Variants in COL22A1 observed in about 807,000 individuals in gnomAD.
COL22A1 encodes the protein collagen type XXII alpha 1 chain.
Under a neutral mutation model 248.9 loss-of-function variants are expected in COL22A1, and 221 were observed. That is an observed-to-expected ratio of 0.89 (90% CI 0.80 to 0.99). COL22A1 has a LOEUF of 0.99. Among genes scored for constraint, COL22A1 ranks in the 50% least tolerant of loss-of-function variants. COL22A1 has a pLI of 0.00. For missense variants in COL22A1, 2,240 were observed against 2,179.0 expected, an observed-to-expected ratio of 1.03 and a Z score of -0.56; for synonymous variants, 891 against 793.4, an observed-to-expected ratio of 1.12 and a Z score of -2.07.
intron 22 of COL22A1, among the ~76,000 whole-genome samples, chr8:138,747,578 T>C (rs888047759): frequency 1.3e-5 from 2 of 151,990 alleles, no homozygotes; most frequent in Admixed American, 6.5e-5. Flanking sequence ...GTTTGGCCAA[T>C]GTCCTCACCT....
intron 55 of COL22A1, among the ~76,000 whole-genome samples, chr8:138,614,750 T>C (rs1371467426): frequency 6.6e-6 from 1 of 152,128 alleles, no homozygotes; most frequent in East Asian, 1.9e-4. Context: ...GGCTCTACTT[T>C]TAGGTGTATG....
At chr8:138,833,419 G>A (rs76666524) in intron 4 of COL22A1, among the ~76,000 whole-genome samples, 2,051 of 152,318 alleles carry the variant, frequency 0.013, 35 homozygotes, top group African/African-American at 0.046. Context: ...GTGGTTAAGC[G>A]TGAGACAAAT....
intron 22 of COL22A1, among the ~76,000 whole-genome samples, chr8:138,740,044 A>G (rs1276686878): frequency 6.6e-6 from 1 of 152,250 alleles, no homozygotes; most frequent in Non-Finnish European, 1.5e-5. Flanking sequence ...GAAGCTGATC[A>G]TAAGACAGCT....
chr8:138,619,934 A>C, intron 52 of COL22A1: 1 of 186,860 alleles, frequency 5.4e-6, no homozygotes, highest in Non-Finnish European at 1.1e-5. Context: ...AAGGTATTAA[A>C]TAGCAAAGCC....
intron 12 of COL22A1, among the ~76,000 whole-genome samples, chr8:138,792,257 G>T (rs1816124257): frequency 6.6e-6 from 1 of 152,146 alleles, no homozygotes; most frequent in South Asian, 2.1e-4. Flanking sequence ...GCAAATCCCT[G>T]CCTGAAAGGC....
chr8:138,905,889 T>C (rs914172334), intron 1 of COL22A1, among the ~76,000 whole-genome samples: 1 of 152,170 alleles, frequency 6.6e-6, no homozygotes, highest in Non-Finnish European at 1.5e-5. Flanking sequence ...ACTCCTGACA[T>C]TGTCTGTGTT....
intron 22 of COL22A1, among the ~76,000 whole-genome samples, chr8:138,748,102 C>A (rs1476781080): frequency 1.3e-5 from 2 of 152,136 alleles, no homozygotes; most frequent in Non-Finnish European, 2.9e-5. Flanking sequence ...TTCAATGCTC[C>A]CATTGACTCC....
In COL22A1 at chr8:138,685,195, A is replaced by G. The variant is rs1826247630; in HGVS notation, c.2967+13T>C. ...GTTTCTACAGGCACTGGGACCCCCG[A>G]CCTTCCACTTACCGGCTCTCCATCC... On this transcript the variant is annotated intron_variant, in intron 38 of 64. Transcript: ENST00000303045. The G allele has an allele frequency of 4.5e-6, 7 of 1,570,692 alleles. No homozygotes were observed. In the East Asian group the frequency reaches 1.6e-4, roughly 35 times the overall value.
intron 3 of COL22A1, among the ~76,000 whole-genome samples, chr8:138,861,880 C>G (rs1822488257): frequency 6.6e-6 from 1 of 152,062 alleles, no homozygotes; most frequent in Non-Finnish European, 1.5e-5. Context: ...TGGATGTTTT[C>G]TATCCTTCAC....
At chr8:138,827,057 C>T (rs1169640173) in intron 5 of COL22A1, 1 of 423,108 alleles carries the variant, frequency 2.4e-6, no homozygotes, top group Non-Finnish European at 4.4e-6. Context: ...ACCACCATGA[C>T]TCTGATGACA....
chr8:138,789,042 TAC>T (rs1000450278), intron 12 of COL22A1, among the ~76,000 whole-genome samples: 33 of 152,292 alleles, frequency 2.2e-4, no homozygotes, highest in Admixed American at 1.4e-3. Flanking sequence ...GTCCAGCATT[TAC>T]CCTTCCCATA....
chr8:138,680,981 C>G (rs1825916519), intron 39 of COL22A1, among the ~76,000 whole-genome samples: 1 of 152,092 alleles, frequency 6.6e-6, no homozygotes, highest in African/African-American at 2.4e-5. Context: ...GATGTCTGCA[C>G]TCTTCCCCCC....
At chr8:138,762,373 G>T in intron 17 of COL22A1, 40 bp downstream of exon 17, 5 of 1,602,512 alleles carry the variant, frequency 3.1e-6, no homozygotes, top group Non-Finnish European at 4.3e-6. Context: ...TCCTCTGACC[G>T]CTGATGAAAC....
At chr8:138,858,636 G>C (rs769540747) in intron 3 of COL22A1, among the ~76,000 whole-genome samples, 25 of 152,156 alleles carry the variant, frequency 1.6e-4, no homozygotes, top group Middle Eastern at 3.2e-3. Context: ...CAAACCCTGA[G>C]CTTCTACAGG....
intron 16 of COL22A1, among the ~76,000 whole-genome samples, chr8:138,763,929 G>A (rs954824698): frequency 6.4e-4 from 98 of 152,282 alleles, no homozygotes; most frequent in East Asian, 9.7e-4. Flanking sequence ...CAGGAGGTGC[G>A]TTCACTCTTG....
intron 56 of COL22A1, among the ~76,000 whole-genome samples, chr8:138,610,362 A>C (rs962136968): frequency 6.6e-6 from 1 of 152,188 alleles, no homozygotes; most frequent in East Asian, 1.9e-4. Context: ...CAGGCCACAC[A>C]TACATTCGCA....
At chr8:138,852,334 G>A (rs1163754275) in intron 3 of COL22A1, among the ~76,000 whole-genome samples, 10 of 152,132 alleles carry the variant, frequency 6.6e-5, no homozygotes, top group Admixed American at 5.2e-4. Flanking sequence ...GTAGAGGAGA[G>A]GTAGCCAGTC....
At chr8:138,787,333 A>C (rs1428414608) in intron 12 of COL22A1, among the ~76,000 whole-genome samples, 1 of 152,208 alleles carries the variant, frequency 6.6e-6, no homozygotes, top group African/African-American at 2.4e-5. Flanking sequence ...AGGGAAAAAA[A>C]GCCTAGGCTG....
chr8:138,901,761 C>A (rs1342755503), intron 1 of COL22A1, among the ~76,000 whole-genome samples: 2 of 152,010 alleles, frequency 1.3e-5, no homozygotes, highest in Non-Finnish European at 2.9e-5. Flanking sequence ...CCCCTCATTG[C>A]CTTTGGATAA....
Sources: allele counts gnomAD v4.1 joint callset (sites outside exome capture counted in the v4.1 genomes callset), GRCh38; gene constraint gnomAD v4.1.1; transcripts MANE v1.5; gene names NCBI Gene and HGNC (gene_info 2026-07-23, HGNC 2026-07-21).